The following CHN2 variants were observed in gnomAD, a reference collection of about 807,000 sequenced individuals.
CHN2 encodes beta-chimaerin.
A neutral mutation model predicts 56.3 loss-of-function variants in CHN2; 35 were observed. The ratio of observed to expected loss-of-function variants is 0.62; its 90% CI spans 0.47 to 0.82. The LOEUF is 0.82. CHN2 is among the 40% of genes least tolerant of loss of function. CHN2 has a pLI of 0.00. For synonymous variants in CHN2, 210 were observed against 212.8 expected, an observed-to-expected ratio of 0.99 and a Z score of 0.12; for missense variants, 491 against 580.5, an observed-to-expected ratio of 0.85 and a Z score of 1.58.
chr7:29,237,794 G>T (rs1192079640), intron 1 of CHN2, among the ~76,000 whole-genome samples: 2 of 152,106 alleles, frequency 1.3e-5, no homozygotes, highest in Non-Finnish European at 2.9e-5. Flanking sequence ...GTGGACAAAG[G>T]AGGGGTTGAA....
intron 6 of CHN2, among the ~76,000 whole-genome samples, chr7:29,461,732 C>T (rs1251147403): frequency 6.6e-6 from 1 of 152,136 alleles, no homozygotes; most frequent in Non-Finnish European, 1.5e-5. Context: ...TGCCCAGAGC[C>T]TAATACAGAA....
At chr7:29,252,209 T>TTC (rs1554377793) in intron 1 of CHN2, among the ~76,000 whole-genome samples, 3 of 150,196 alleles carry the variant, frequency 2.0e-5, no homozygotes, top group Non-Finnish European at 4.4e-5. Context: ...TTTTTTTTTT[T>TTC]AGACAGTCTT....
intron 6 of CHN2, among the ~76,000 whole-genome samples, chr7:29,430,998 T>G (rs1782812706): frequency 1.3e-5 from 2 of 152,082 alleles, no homozygotes; most frequent in Admixed American, 1.3e-4. Flanking sequence ...TGTTGCTGCC[T>G]AAGCCTAGTC....
intron 1 of CHN2, among the ~76,000 whole-genome samples, chr7:29,275,856 T>C (rs1265065374): frequency 6.6e-6 from 1 of 152,130 alleles, no homozygotes; most frequent in African/African-American, 2.4e-5. Context: ...ACATCCCAGT[T>C]TGAGTTCAGC....
rs1009465408 is a variant in CHN2 at position 29,398,064 on chromosome 7, G to T, written c.177-309G>T. The T allele has an allele frequency of 1.2e-3, 275 of 225,576 alleles. 6 individuals are homozygous for T. The highest frequency in any genetic ancestry group is 1.7e-3 in the South Asian group (13 of 7,606). The allele number at this position is 225,576 out of a possible 1,614,324, so 14.0% of individuals were successfully genotyped here. A position where few individuals can be genotyped will look rare whatever the true frequency, so the allele number is the denominator to read the frequency against. The stretch of plus-strand genomic sequence containing the variant: ...TTTCCCATGGTTAAAAAAAAGGGGG[G>T]GGGGGGGCGGTGGTTGAGTAACCTG... On this transcript the variant is annotated intron_variant, in intron 4 of 12. Coordinates refer to ENST00000222792, the MANE Select transcript of CHN2 (RefSeq NM_004067.4).
At chr7:29,295,501 G>T (rs574929322) in intron 1 of CHN2, among the ~76,000 whole-genome samples, 1 of 151,494 alleles carries the variant, frequency 6.6e-6, no homozygotes, top group African/African-American at 2.4e-5. Flanking sequence ...GGTGGCTCAC[G>T]CCTGTGATCT....
intron 1 of CHN2, among the ~76,000 whole-genome samples, chr7:29,351,362 T>A (rs1003149673): frequency 1.3e-5 from 2 of 152,198 alleles, no homozygotes; most frequent in African/African-American, 4.8e-5. Context: ...CAGGCACCTG[T>A]CTAAAGGCTG....
chr7:29,334,324 C>T (rs866678022), intron 1 of CHN2, among the ~76,000 whole-genome samples: 1 of 151,962 alleles, frequency 6.6e-6, no homozygotes, highest in Middle Eastern at 3.4e-3. Flanking sequence ...GTGCTGGGAG[C>T]CTAAATTCAA....
chr7:29,368,431 T>A (rs2128041431), intron 3 of CHN2, among the ~76,000 whole-genome samples: 1 of 152,276 alleles, frequency 6.6e-6, no homozygotes, highest in African/African-American at 2.4e-5. Context: ...TAATAAAGCC[T>A]TACAAAAAAG....
At chr7:29,355,959 TTTTTA>T (rs1353048298) in intron 2 of CHN2, among the ~76,000 whole-genome samples, 1 of 151,664 alleles carries the variant, frequency 6.6e-6, no homozygotes. Context: ...ATTTTTTGTA[TTTTTA>T]TTAGAGATGG....
intron 2 of CHN2, among the ~76,000 whole-genome samples, chr7:29,175,915 G>A (rs908373934): frequency 5.3e-5 from 8 of 152,266 alleles, no homozygotes; most frequent in South Asian, 2.1e-4. Context: ...AGACGGGCGC[G>A]GTGGCTCATG....
At chr7:29,416,666 C>T (rs375809478) in intron 6 of CHN2, among the ~76,000 whole-genome samples, 1 of 152,076 alleles carries the variant, frequency 6.6e-6, no homozygotes, top group Non-Finnish European at 1.5e-5. Context: ...ACCGCTGGCC[C>T]GGGCAGTAGA....
chr7:29,220,928 G>A (rs553221645), intron 1 of CHN2, among the ~76,000 whole-genome samples: 21 of 152,252 alleles, frequency 1.4e-4, no homozygotes, highest in South Asian at 1.0e-3. Context: ...AATATGTCAT[G>A]ATCAGATGGG....
chr7:29,146,771 T>G, intron 1 of CHN2: 1 of 1,549,198 alleles, frequency 6.5e-7, no homozygotes. Context: ...TGTTTTATTT[T>G]GATTTTGTCT....
chr7:29,507,907 T>G (rs1259043091), intron 11 of CHN2, among the ~76,000 whole-genome samples: 1 of 152,214 alleles, frequency 6.6e-6, no homozygotes, highest in Non-Finnish European at 1.5e-5. Context: ...GTGCGGCCCA[T>G]AGGCTGCGGG....
chr7:29,433,162 G>A (rs1313624313), intron 6 of CHN2, among the ~76,000 whole-genome samples: 1 of 152,182 alleles, frequency 6.6e-6, no homozygotes, highest in Non-Finnish European at 1.5e-5. Context: ...ATGCCGTGGG[G>A]GGAGATTTTT....
chr7:29,230,800 A>AT (rs1312771561), intron 1 of CHN2, among the ~76,000 whole-genome samples: 1 of 151,914 alleles, frequency 6.6e-6, no homozygotes, highest in Non-Finnish European at 1.5e-5. Flanking sequence ...AAATCTTGAA[A>AT]TTTTTTTTGT....
chr7:29,416,606 A>T (rs1297084808), intron 6 of CHN2, among the ~76,000 whole-genome samples: 1 of 152,202 alleles, frequency 6.6e-6, no homozygotes, highest in Non-Finnish European at 1.5e-5. Context: ...CCAGCGGCCC[A>T]GCTTCCCAGG....
At chr7:29,400,302 A>G in intron 5 of CHN2, 1 of 554,954 alleles carries the variant, frequency 1.8e-6, no homozygotes, top group Non-Finnish European at 3.3e-6. Context: ...TTCCAGTCAT[A>G]TAAACTCAAG....
Sources: allele counts gnomAD v4.1 joint callset (sites outside exome capture counted in the v4.1 genomes callset), GRCh38; gene constraint gnomAD v4.1.1; transcripts MANE v1.5; gene names NCBI Gene and HGNC (gene_info 2026-07-23, HGNC 2026-07-21).